The following CREB5 variants were observed in gnomAD, a reference collection of about 807,000 sequenced individuals.
CREB5 encodes the protein cAMP responsive element binding protein 5.
Under a neutral mutation model 57.1 loss-of-function variants are expected in CREB5, and 19 were observed. The observed-to-expected ratio is 0.33, with a 90% CI of 0.23 to 0.49. The LOEUF is 0.49. CREB5 is among the 20% of genes least tolerant of loss of function. The probability of loss-of-function intolerance (pLI) is 0.99; values close to 1 mark genes in which losing one functional copy is unlikely to be tolerated. For missense variants in CREB5, 579 were observed against 671.6 expected, an observed-to-expected ratio of 0.86 and a Z score of 1.52; for synonymous variants, 238 against 238.3, an observed-to-expected ratio of 1.00 and a Z score of 0.01.
intron 4 of CREB5, among the ~76,000 whole-genome samples, chr7:28,523,281 T>G (rs1252799529): frequency 6.6e-6 from 1 of 152,208 alleles, no homozygotes; most frequent in Non-Finnish European, 1.5e-5. Context: ...GTTTAAATGT[T>G]GGCTCTTAAA....
At chr7:28,447,365 A>G (rs915621490) in intron 1 of CREB5, among the ~76,000 whole-genome samples, 4 of 152,224 alleles carry the variant, frequency 2.6e-5, no homozygotes, top group African/African-American at 9.7e-5. Context: ...GAGGTTTTCT[A>G]GAGTTTAACT....
At chr7:28,393,185 C>T (rs1787258296) in intron 1 of CREB5, among the ~76,000 whole-genome samples, 1 of 152,176 alleles carries the variant, frequency 6.6e-6, no homozygotes, top group Admixed American at 6.5e-5. Context: ...CCTTGACCTC[C>T]CAAAGTGCTG....
chr7:28,428,998 A>T (rs752194220), intron 1 of CREB5, among the ~76,000 whole-genome samples: 2 of 152,068 alleles, frequency 1.3e-5, no homozygotes, highest in Admixed American at 1.3e-4. Flanking sequence ...TCAATTTTAT[A>T]TTCCTTGTGT....
intron 1 of CREB5, among the ~76,000 whole-genome samples, chr7:28,439,644 G>A (rs1203857289): frequency 6.6e-6 from 1 of 152,146 alleles, no homozygotes; most frequent in African/African-American, 2.4e-5. Flanking sequence ...TTGAACCTGT[G>A]CAGTCTATCA....
chr7:28,522,390 G>GTTTTTTTTTTTTATTTTTTTTTTTTTTT, intron 4 of CREB5, among the ~76,000 whole-genome samples: 1 of 97,604 alleles, frequency 1.0e-5, no homozygotes, highest in Non-Finnish European at 2.1e-5. Flanking sequence ...CCTGCTCTTT[G>GTTTTTTTTTTTTATTTTTTTTTTTTTTT]TTTTTTTTTT....
chr7:28,524,465 G>A (rs1291307788), intron 4 of CREB5, among the ~76,000 whole-genome samples: 1 of 152,036 alleles, frequency 6.6e-6, no homozygotes, highest in African/African-American at 2.4e-5. Flanking sequence ...TCGTGTCACT[G>A]CACTCCAGCC....
At chr7:28,394,947 A>G (rs896123447) in intron 1 of CREB5, among the ~76,000 whole-genome samples, 1 of 152,182 alleles carries the variant, frequency 6.6e-6, no homozygotes, top group African/African-American at 2.4e-5. Flanking sequence ...AGTGACTTCT[A>G]TGTACTGGGA....
At chr7:28,593,297 G>A (rs983979571) in intron 5 of CREB5, among the ~76,000 whole-genome samples, 2 of 152,082 alleles carry the variant, frequency 1.3e-5, no homozygotes, top group Admixed American at 6.6e-5. Context: ...TGCTCAGGAC[G>A]GAGTTCAGTG....
intron 1 of CREB5, among the ~76,000 whole-genome samples, chr7:28,380,547 A>C (rs911493345): frequency 2.0e-5 from 3 of 152,240 alleles, no homozygotes; most frequent in African/African-American, 7.2e-5. Flanking sequence ...GAGAAAAAGA[A>C]GGTAAACATC....
At chr7:28,434,775 T>G (rs775128638) in intron 1 of CREB5, among the ~76,000 whole-genome samples, 25 of 152,194 alleles carry the variant, frequency 1.6e-4, no homozygotes, top group Admixed American at 1.3e-4. Context: ...ACAAACGACC[T>G]GTGCTGAACC....
chr7:28,326,094 T>C (rs1044493534), intron 1 of CREB5, among the ~76,000 whole-genome samples: 11 of 152,204 alleles, frequency 7.2e-5, no homozygotes, highest in African/African-American at 2.7e-4. Context: ...GTACTCATTG[T>C]TACTGTGATG....
At chr7:28,559,601 C>A (rs1795002797) in intron 4 of CREB5, among the ~76,000 whole-genome samples, 1 of 152,222 alleles carries the variant, frequency 6.6e-6, no homozygotes, top group South Asian at 2.1e-4. Flanking sequence ...AGGCGTGAGC[C>A]ACCACGCCCA....
At position 28,321,499 on chromosome 7, in the gene CREB5, G is replaced by A. The variant is rs1016042868; in HGVS notation, c.-25+22058G>A. ...TATTGACCCATCTTCTCTCAGGCAC[G>A]TATATTCTCTGGGCAAGTATAGACT... On this transcript the variant is annotated intron_variant, in intron 1 of 9. Transcript: ENST00000396299. Among the ~76,000 whole-genome samples the A allele has an allele frequency of 9.9e-5, 15 of 152,170 alleles. No homozygotes were observed. In the East Asian group the frequency reaches 1.3e-3, roughly 14 times the overall value.
intron 5 of CREB5, among the ~76,000 whole-genome samples, chr7:28,656,179 C>T (rs1799326797): frequency 1.3e-5 from 2 of 152,182 alleles, no homozygotes; most frequent in South Asian, 4.1e-4. Context: ...ATAAGCTTAA[C>T]CAAAAAGGCA....
intron 5 of CREB5, among the ~76,000 whole-genome samples, chr7:28,686,971 T>C (rs1209847301): frequency 6.7e-6 from 1 of 148,730 alleles, no homozygotes; most frequent in Non-Finnish European, 1.5e-5. Context: ...GATGGTGTGG[T>C]GGTTGGTTGG....
intron 1 of CREB5, among the ~76,000 whole-genome samples, chr7:28,333,766 T>C (rs1174090460): frequency 6.6e-6 from 1 of 152,194 alleles, no homozygotes; most frequent in Middle Eastern, 3.2e-3. Flanking sequence ...ATTGTGTATA[T>C]GTACCACATT....
chr7:28,590,672 TATAATA>T (rs71555752), intron 5 of CREB5, among the ~76,000 whole-genome samples: 14,431 of 142,840 alleles, frequency 0.1, 895 homozygotes, highest in East Asian at 0.18. Context: ...GAACTTAAAG[TATAATA>T]ATAATAATAA....
intron 5 of CREB5, among the ~76,000 whole-genome samples, chr7:28,698,869 G>A (rs905633615): frequency 2.6e-5 from 4 of 152,130 alleles, no homozygotes; most frequent in South Asian, 2.1e-4. Flanking sequence ...TAAGGATCCC[G>A]GGACTAATTA....
chr7:28,391,436 T>C (rs926799225), intron 1 of CREB5, among the ~76,000 whole-genome samples: 5 of 152,260 alleles, frequency 3.3e-5, no homozygotes, highest in Non-Finnish European at 7.3e-5. Flanking sequence ...AATGAATGTT[T>C]TGAAAAGTAA....
Sources: gnomAD v4.1 joint callset for allele counts (sites outside exome capture counted in the v4.1 genomes callset) on GRCh38, gnomAD v4.1.1 for gene constraint, MANE v1.5 for transcripts, NCBI Gene and HGNC (gene_info 2026-07-23, HGNC 2026-07-21) for gene names.